Variants in BLK observed in about 807,000 individuals in gnomAD.
The protein encoded by BLK is BLK proto-oncogene, Src family tyrosine kinase, also known as tyrosine-protein kinase Blk.
Under a neutral mutation model 61.8 loss-of-function variants are expected in BLK, and 64 were observed. The observed-to-expected ratio is 1.03, with a 90% CI of 0.85 to 1.27. BLK has a LOEUF of 1.27. Among genes scored for constraint, BLK ranks in the 50% most tolerant of loss-of-function variants. The pLI, the probability that BLK is intolerant of heterozygous loss-of-function variation, is 0.00. For synonymous variants in BLK, 351 were observed against 272.0 expected, an observed-to-expected ratio of 1.29 and a Z score of -2.86; for missense variants, 853 against 660.5, an observed-to-expected ratio of 1.29 and a Z score of -3.19.
chr8:11,553,435 G>C (rs1347377789), intron 6 of BLK: 2 of 435,792 alleles, frequency 4.6e-6, no homozygotes, highest in Non-Finnish European at 9.2e-6. Context: ...TCTTTACAAA[G>C]GACACCAAAT....
At chr8:11,529,984 A>C (rs1262347119) in intron 1 of BLK, among the ~76,000 whole-genome samples, 1 of 152,362 alleles carries the variant, frequency 6.6e-6, no homozygotes, top group African/African-American at 2.4e-5. Flanking sequence ...GCTGGAATCT[A>C]ATAACAGGTG....
chr8:11,540,589 A>G (rs1453165603), intron 1 of BLK, among the ~76,000 whole-genome samples: 2 of 152,356 alleles, frequency 1.3e-5, no homozygotes, highest in East Asian at 1.9e-4. Context: ...AGAACAGAGT[A>G]TAATAATTAC....
chr8:11,541,975 A>T (rs2245357), intron 1 of BLK, among the ~76,000 whole-genome samples: 63,391 of 152,064 alleles, frequency 0.42, 14,190 homozygotes, highest in Non-Finnish European at 0.5. Flanking sequence ...TGTGTTCTGT[A>T]TGTAAGGCAT....
chr8:11,533,135 T>C (rs1799959584), intron 1 of BLK, among the ~76,000 whole-genome samples: 1 of 152,256 alleles, frequency 6.6e-6, no homozygotes, highest in Admixed American at 6.5e-5. Flanking sequence ...GCAACCGTTT[T>C]ATGAGTTAAT....
intron 1 of BLK, among the ~76,000 whole-genome samples, chr8:11,528,422 G>T (rs1037640161): frequency 9.2e-5 from 14 of 152,208 alleles, no homozygotes; most frequent in Non-Finnish European, 1.8e-4. Flanking sequence ...AGGAGAGCTT[G>T]GAGGTCAGAA....
intron 1 of BLK, among the ~76,000 whole-genome samples, chr8:11,535,264 G>GAAAGAAAGAAAGAAAGA (rs1563102335): frequency 3.4e-4 from 24 of 70,718 alleles, no homozygotes; most frequent in African/African-American, 1.1e-3. Flanking sequence ...AAAGAAAGAA[G>GAAAGAAAGAAAGAAAGA]AAAGAAAGAA....
Position 11,564,052 on chromosome 8 carries a change from T to G in BLK, c.1462T>G (p.Ser488Ala). ...GCGGCCCACCTTCGAGTTCCTGCAG[T>G]CGGTGCTGGAGGACTTCTACACGGC... ...EERPTFEFLQSVLEDFYTATE... is the reference protein window; with the variant it reads ...EERPTFEFLQAVLEDFYTATE... The change falls in exon 13 of 13, where the codon TCG (serine) becomes GCG (alanine). Residue 488 changes from serine (S) to alanine (A), a missense_variant. Ser to Ala is a moderately conservative substitution (Grantham distance 99). Transcript: ENST00000259089. 6.2e-7 allele frequency: 1 copy of G among 1,602,432 alleles called. No individual in the cohort carries two copies. The highest frequency in any genetic ancestry group is 8.5e-7 in the Non-Finnish European group (1 of 1,178,090).
rs1321305245 is a variant in BLK, at chr8:11,563,977, G to A, written c.1387G>A (p.Glu463Lys). The A allele has an allele frequency of 3.7e-6, 6 of 1,606,394 alleles. No homozygotes were observed. Among genetic ancestry groups the A allele is most frequent in the Admixed American group, 3.3e-5 (2 of 59,958 alleles). The change falls in exon 13 of 13, where the codon GAG becomes AAG. Residue 463 changes from glutamate to lysine, a missense_variant. By Grantham distance (56) the Glu-to-Lys change is moderately conservative (BLOSUM62 1). Coordinates refer to ENST00000259089, the MANE Select transcript of BLK (RefSeq NM_001715.3). ...RMPRPDTCPPELYRGVIAECW... is the reference protein window; with the variant it reads ...RMPRPDTCPPKLYRGVIAECW... ...GCCGCGCCCCGACACCTGCCCGCCC[G>A]AGCTGTACCGCGGCGTCATCGCCGA...
intron 3 of BLK, 46 bp from the exon 4 acceptor site, chr8:11,547,986 C>A (rs759308289): frequency 4.6e-6 from 7 of 1,538,444 alleles, no homozygotes; most frequent in Middle Eastern, 3.4e-4. Context: ...CCCACCTTCC[C>A]GCTTGTGGGC....
intron 2 of BLK, 33 bp from the exon 3 acceptor site, chr8:11,546,019 T>C: frequency 6.2e-7 from 1 of 1,612,268 alleles, no homozygotes; most frequent in Middle Eastern, 1.7e-4. Context: ...CAGCAGGGAC[T>C]GAAATAACTC....
chr8:11,509,979 A>G (rs1798933700), intron 1 of BLK: 1 of 152,042 alleles, frequency 6.6e-6, no homozygotes. Flanking sequence ...ACTTTTGAGG[A>G]CTCAAAATGA....
At chr8:11,535,213 AAGAG>A (rs1178529464) in intron 1 of BLK, among the ~76,000 whole-genome samples, 3 of 116,718 alleles carry the variant, frequency 2.6e-5, no homozygotes, top group African/African-American at 9.1e-5. Context: ...GAAAGAAAGA[AAGAG>A]AGAGAAAGAA....
chr8:11,527,812 T>C (rs1799721918), intron 1 of BLK, among the ~76,000 whole-genome samples: 1 of 151,176 alleles, frequency 6.6e-6, no homozygotes, highest in Non-Finnish European at 1.5e-5. Context: ...CAATCTTAGG[T>C]TCTGCAATAG....
intron 1 of BLK, among the ~76,000 whole-genome samples, chr8:11,525,928 A>G (rs1354165790): frequency 6.6e-6 from 1 of 152,074 alleles, no homozygotes; most frequent in East Asian, 1.9e-4. Context: ...TATTTTTAGC[A>G]GAGACAGGGT....
In BLK at chr8:11,564,076, G is replaced by A. The variant is rs758567766; in HGVS notation, c.1486G>A (p.Ala496Thr). 6.3e-7 allele frequency: 1 copy of A among 1,592,314 alleles called. No individual in the cohort carries two copies. The highest frequency in any genetic ancestry group is 1.7e-5 in the Admixed American group (1 of 58,602). Residue 496 changes from alanine to threonine, a missense_variant, in exon 13 of 13, where the codon GCC becomes ACC. Physicochemically the swap from Ala to Thr is moderately conservative, Grantham distance 58. Coordinates refer to ENST00000259089, the MANE Select transcript of BLK (RefSeq NM_001715.3). ...LQSVLEDFYT[A>T]TERQYELQP ...GTCGGTGCTGGAGGACTTCTACACG[G>A]CCACCGAGCGGCAGTACGAGCTGCA...
At chr8:11,501,867 G>C (rs1231570975) in intron 1 of BLK, among the ~76,000 whole-genome samples, 5 of 152,194 alleles carry the variant, frequency 3.3e-5, no homozygotes, top group East Asian at 3.8e-4. Flanking sequence ...TGTTGAACTG[G>C]GTAGTAGTTT....
chr8:11,551,963 A>G (rs1191150331), intron 6 of BLK, among the ~76,000 whole-genome samples: 2 of 152,206 alleles, frequency 1.3e-5, no homozygotes, highest in African/African-American at 4.8e-5. Context: ...AGTATGAAGA[A>G]TGCTTTGCTC....
intron 1 of BLK, among the ~76,000 whole-genome samples, chr8:11,521,027 A>G (rs1799428393): frequency 6.6e-6 from 1 of 152,196 alleles, no homozygotes; most frequent in Non-Finnish European, 1.5e-5. Flanking sequence ...AAAATCTTTT[A>G]AAAAAGAACT....
intron 6 of BLK, 97 bp from the exon 7 acceptor site, chr8:11,554,646 G>A: frequency 6.9e-7 from 1 of 1,457,910 alleles, no homozygotes. Context: ...ACAGAATTGG[G>A]GAACTTTTTT....
Sources: allele counts gnomAD v4.1 joint callset (sites outside exome capture counted in the v4.1 genomes callset), GRCh38; gene constraint gnomAD v4.1.1; transcripts MANE v1.5; gene names NCBI Gene and HGNC (gene_info 2026-07-23, HGNC 2026-07-21).